Variants in PLXNA4 observed in about 807,000 individuals in gnomAD.
PLXNA4 encodes plexin-A4.
Under a neutral mutation model 191.8 loss-of-function variants are expected in PLXNA4, and 44 were observed. That is an observed-to-expected ratio of 0.23 (90% CI 0.18 to 0.29). The LOEUF (loss-of-function observed/expected upper bound fraction) is 0.29. Ranked by LOEUF, PLXNA4 falls within the 10% of genes least tolerant of loss-of-function variation. The pLI, the probability that PLXNA4 is intolerant of heterozygous loss-of-function variation, is 1.00. For synonymous variants in PLXNA4, 1,082 were observed against 1,009.5 expected (o/e 1.07, Z -1.36); for missense variants, 1,800 against 2,488.8 (o/e 0.72, Z 5.89).
At chr7:132,567,165 C>T (rs1477224657) in intron 1 of PLXNA4, among the ~76,000 whole-genome samples, 1 of 152,052 alleles carries the variant, frequency 6.6e-6, no homozygotes, top group Non-Finnish European at 1.5e-5. Context: ...TTTAATTCGC[C>T]CTTATGCATC....
intron 1 of PLXNA4, among the ~76,000 whole-genome samples, chr7:132,545,102 T>A (rs1261849972): frequency 2.6e-5 from 4 of 152,174 alleles, no homozygotes; most frequent in African/African-American, 4.8e-5. Flanking sequence ...GTACCAGGAC[T>A]CCTCTCCGGC....
At chr7:132,563,371 CCTCCTT>C (rs1801448818) in intron 1 of PLXNA4, among the ~76,000 whole-genome samples, 1 of 109,526 alleles carries the variant, frequency 9.1e-6, no homozygotes, top group African/African-American at 3.6e-5. Flanking sequence ...TCCTCCTCCT[CCTCCTT>C]CTCCTCCTCC....
intron 3 of PLXNA4, among the ~76,000 whole-genome samples, chr7:132,477,948 G>A (rs1271274793): frequency 2.0e-5 from 3 of 152,162 alleles, no homozygotes; most frequent in Admixed American, 2.0e-4. Context: ...CTCCATTTTA[G>A]AAAGAGATTC....
At chr7:132,194,650 G>A (rs1797197015) in intron 13 of PLXNA4, among the ~76,000 whole-genome samples, 1 of 152,160 alleles carries the variant, frequency 6.6e-6, no homozygotes, top group African/African-American at 2.4e-5. Context: ...CCTCAGTGAA[G>A]TGCTTTTGCT....
At chr7:132,511,186 A>G (rs756788230) in intron 1 of PLXNA4, among the ~76,000 whole-genome samples, 2 of 152,168 alleles carry the variant, frequency 1.3e-5, no homozygotes, top group Non-Finnish European at 2.9e-5. Context: ...GAATACCAAT[A>G]TCTGTGGAGT....
At chr7:132,164,393 G>A (rs1285013131) in intron 23 of PLXNA4, 105 bp from the exon 24 acceptor site, 3 of 1,486,446 alleles carry the variant, frequency 2.0e-6, no homozygotes, top group Admixed American at 4.3e-5. Context: ...CCAAGTCCCT[G>A]CACCTGCCCC....
chr7:132,543,035 T>C (rs557615897), intron 1 of PLXNA4, among the ~76,000 whole-genome samples: 3 of 152,346 alleles, frequency 2.0e-5, no homozygotes, highest in East Asian at 3.9e-4. Context: ...TATTTCCTTG[T>C]GTGTCAGCTT....
chr7:132,571,623 A>T (rs1245555173), intron 1 of PLXNA4, among the ~76,000 whole-genome samples: 5 of 152,174 alleles, frequency 3.3e-5, no homozygotes. Flanking sequence ...GGCGCCTTGG[A>T]CATCTCACCT....
chr7:132,273,341 C>CAG (rs1800148841), intron 4 of PLXNA4, among the ~76,000 whole-genome samples: 1 of 147,634 alleles, frequency 6.8e-6, no homozygotes, highest in African/African-American at 2.7e-5. Context: ...CACACACACA[C>CAG]GCACACACAC....
intron 3 of PLXNA4, among the ~76,000 whole-genome samples, chr7:132,329,347 T>C (rs1005122081): frequency 1.3e-5 from 2 of 152,166 alleles, no homozygotes; most frequent in Non-Finnish European, 2.9e-5. Context: ...CTGTCTCTGG[T>C]TCTTGGAATG....
intron 1 of PLXNA4, among the ~76,000 whole-genome samples, chr7:132,540,757 T>C (rs1585302654): frequency 1.3e-5 from 2 of 149,592 alleles, no homozygotes; most frequent in East Asian, 3.9e-4. Context: ...CCGGCTAATT[T>C]TTTGTATTTT....
chr7:132,610,464 C>T (rs1181162108), intron 2 of PLXNA4, among the ~76,000 whole-genome samples: 2 of 152,210 alleles, frequency 1.3e-5, no homozygotes, highest in Non-Finnish European at 2.9e-5. Flanking sequence ...TCAGTCCCCT[C>T]TCAAAGGTTC....
At chr7:132,333,930 G>C (rs1019249405) in intron 3 of PLXNA4, among the ~76,000 whole-genome samples, 1 of 152,116 alleles carries the variant, frequency 6.6e-6, no homozygotes, top group African/African-American at 2.4e-5. Context: ...CTTCCTCTCC[G>C]GGGTCCTGGA....
intron 4 of PLXNA4, among the ~76,000 whole-genome samples, chr7:132,288,189 T>C (rs1342162679): frequency 1.3e-5 from 2 of 152,200 alleles, no homozygotes; most frequent in African/African-American, 2.4e-5. Flanking sequence ...TGCTTCAGTT[T>C]CCACACTGAT....
chr7:132,227,693 G>A, intron 6 of PLXNA4, 89 bp from the exon 7 acceptor site: 1 of 1,531,608 alleles, frequency 6.5e-7, no homozygotes, highest in Non-Finnish European at 8.9e-7. Context: ...GGGAGAGTGA[G>A]AGAGATCACA....
intron 20 of PLXNA4, among the ~76,000 whole-genome samples, chr7:132,178,654 A>G (rs1162888155): frequency 6.6e-6 from 1 of 152,090 alleles, no homozygotes; most frequent in East Asian, 1.9e-4. Context: ...CACAGCCTCC[A>G]GCATTGCCCA....
intron 1 of PLXNA4, among the ~76,000 whole-genome samples, chr7:132,647,595 A>T (rs1803901020): frequency 6.7e-6 from 1 of 150,060 alleles, no homozygotes; most frequent in Non-Finnish European, 1.5e-5. Context: ...ATTCACAAAC[A>T]CATGCTGTTA....
intron 3 of PLXNA4, among the ~76,000 whole-genome samples, chr7:132,317,355 G>A (rs1216958926): frequency 6.6e-6 from 1 of 151,868 alleles, no homozygotes; most frequent in Non-Finnish European, 1.5e-5. Flanking sequence ...GGATTGGGTT[G>A]GGTTGTGTTG....
At chr7:132,272,213 T>C (rs1411574639) in intron 4 of PLXNA4, among the ~76,000 whole-genome samples, 1 of 152,232 alleles carries the variant, frequency 6.6e-6, no homozygotes, top group African/African-American at 2.4e-5. Flanking sequence ...TTATCATCAG[T>C]GCTATTTAAC....
Sources: allele counts gnomAD v4.1 joint callset (sites outside exome capture counted in the v4.1 genomes callset), GRCh38; gene constraint gnomAD v4.1.1; transcripts MANE v1.5; gene names NCBI Gene and HGNC (gene_info 2026-07-23, HGNC 2026-07-21).